The following GPR39 variants were observed in gnomAD, a reference collection of about 807,000 sequenced individuals.
The protein encoded by GPR39 is zinc sensing receptor.
GPR39 carries 23 observed loss-of-function variants against 18.4 expected under a neutral mutation model. The observed-to-expected ratio is 1.25, with a 90% CI of 0.90 to 1.77. GPR39 has a LOEUF of 1.77. Among genes scored for constraint, GPR39 ranks in the 40% most tolerant of loss-of-function variants. The pLI is 0.00. For missense variants in GPR39, 647 were observed against 602.4 expected (o/e 1.07, Z -0.78); for synonymous variants, 280 against 257.9 (o/e 1.09, Z -0.82).
chr2:132,626,113 A>T lies in GPR39; in HGVS notation c.857-18988A>T, dbSNP rs181071138. Among the ~76,000 whole-genome samples the T allele has an allele frequency of 2.1e-3, 309 of 150,604 alleles. 1 individual carries two copies. The highest frequency in any genetic ancestry group is 3.0e-3 in the Non-Finnish European group (205 of 67,506). ...AGACTCCATCTCAAAAAAAAAAAAC[A>T]AAAAACTAAAAAAGTAGCCTAAAAT... On this transcript the variant is annotated intron_variant, in intron 1 of 1. Coordinates refer to ENST00000329321, the MANE Select transcript of GPR39 (RefSeq NM_001508.3).
intron 1 of GPR39, among the ~76,000 whole-genome samples, chr2:132,623,324 GC>G: frequency 6.6e-6 from 1 of 152,240 alleles, no homozygotes; most frequent in African/African-American, 2.4e-5. Context: ...AAAACCCAGT[GC>G]CCTGGACTCC....
chr2:132,443,316 A>G (rs1298022289), intron 1 of GPR39, among the ~76,000 whole-genome samples: 1 of 151,734 alleles, frequency 6.6e-6, no homozygotes, highest in Non-Finnish European at 1.5e-5. Context: ...TAAAGTACAG[A>G]TGGTACCTGA....
At chr2:132,620,336 G>A (rs1217385309) in intron 1 of GPR39, among the ~76,000 whole-genome samples, 1 of 152,186 alleles carries the variant, frequency 6.6e-6, no homozygotes, top group Non-Finnish European at 1.5e-5. Context: ...GGTTCCTCAT[G>A]CTGTGTGCCA....
At chr2:132,643,101 T>C (rs1349222425) in intron 1 of GPR39, among the ~76,000 whole-genome samples, 3 of 152,298 alleles carry the variant, frequency 2.0e-5, no homozygotes, top group Admixed American at 6.5e-5. Context: ...TTTTTTAAAA[T>C]CAGAAATTTT....
At chr2:132,535,490 C>T (rs926232434) in intron 1 of GPR39, among the ~76,000 whole-genome samples, 11 of 152,210 alleles carry the variant, frequency 7.2e-5, no homozygotes, top group Middle Eastern at 3.4e-3. Flanking sequence ...ATTTTCACAT[C>T]GATGTTCATC....
chr2:132,565,160 G>A (rs1390606154), intron 1 of GPR39, among the ~76,000 whole-genome samples: 2 of 151,998 alleles, frequency 1.3e-5, no homozygotes, highest in African/African-American at 2.4e-5. Flanking sequence ...CAGAGATTCT[G>A]ATTTAGTGGC....
intron 1 of GPR39, among the ~76,000 whole-genome samples, chr2:132,543,450 T>C (rs1679893860): frequency 1.3e-5 from 2 of 152,144 alleles, no homozygotes; most frequent in East Asian, 1.9e-4. Context: ...AGGTCAGAGG[T>C]TCTCCAGGGT....
chr2:132,591,526 G>GC (rs1680843976), intron 1 of GPR39, among the ~76,000 whole-genome samples: 2 of 152,092 alleles, frequency 1.3e-5, no homozygotes, highest in South Asian at 4.1e-4. Context: ...CTTGCAGAGG[G>GC]CCTATTGTGG....
chr2:132,442,355 G>C (rs1237146756), intron 1 of GPR39, among the ~76,000 whole-genome samples: 1 of 152,156 alleles, frequency 6.6e-6, no homozygotes, highest in African/African-American at 2.4e-5. Context: ...GCCTGCCTTA[G>C]AGACATGGGA....
At position 132,645,499 on chromosome 2, in the gene GPR39, CCCCAGTCTAAGT is replaced by C. The variant is rs756839549; in HGVS notation, c.1263_1274del (p.Lys422_Ser425del). 16 of 1,613,586 alleles carry C rather than the reference CCCCAGTCTAAGT, an allele frequency of 9.9e-6. No homozygotes were observed. The highest frequency in any genetic ancestry group is 2.2e-5 in the East Asian group (1 of 44,882). On this transcript the variant is annotated inframe_deletion, in exon 2 of 2. Transcript: ENST00000329321. ...AAGCACTTTTCAGAGCGAGGCCGAG[CCCCAGTCTAAGT>C]CCCAGTCATTGAGTCTCGAGTCACT...
chr2:132,452,481 A>AT (rs1278500173), intron 1 of GPR39, among the ~76,000 whole-genome samples: 1 of 150,456 alleles, frequency 6.6e-6, no homozygotes, highest in African/African-American at 2.5e-5. Context: ...TTCTTTCTGT[A>AT]TTTTTTTAAA....
At chr2:132,542,698 T>C (rs1341096933) in intron 1 of GPR39, among the ~76,000 whole-genome samples, 1 of 106,308 alleles carries the variant, frequency 9.4e-6, no homozygotes, top group Non-Finnish European at 1.9e-5. Flanking sequence ...TTGTTCTCTA[T>C]AATAACATCA....
chr2:132,470,095 C>A (rs969119326), intron 1 of GPR39, among the ~76,000 whole-genome samples: 1 of 152,202 alleles, frequency 6.6e-6, no homozygotes, highest in South Asian at 2.1e-4. Context: ...CCCAACTGGG[C>A]AAGAGCTGTG....
intron 1 of GPR39, among the ~76,000 whole-genome samples, chr2:132,429,883 T>C (rs1256440264): frequency 6.6e-6 from 1 of 152,224 alleles, no homozygotes; most frequent in Admixed American, 6.5e-5. Flanking sequence ...AATAGAATGA[T>C]TGGACTGGAG....
chr2:132,417,423 G>A lies in GPR39; in HGVS notation c.381G>A (p.Leu127=), dbSNP rs753387875. 6.2e-7 allele frequency: 1 copy of A among 1,614,170 alleles called. No individual in the cohort carries two copies. Among genetic ancestry groups the A allele is most frequent in the Non-Finnish European group, 8.5e-7 (1 of 1,180,030 alleles). ...ACSYATLLHV[L]TLSFERYIAI... The stretch of plus-strand genomic sequence containing the variant: ...GCTACGCTACGCTGCTGCACGTGCT[G>A]ACACTCAGCTTTGAGCGCTACATCG... The change falls in exon 1 of 2, where the codon CTG becomes CTA. Residue 127 remains leucine, a synonymous_variant. Transcript: ENST00000329321.
chr2:132,550,056 A>G (rs1573661136), intron 1 of GPR39, among the ~76,000 whole-genome samples: 1 of 152,158 alleles, frequency 6.6e-6, no homozygotes, highest in Non-Finnish European at 1.5e-5. Flanking sequence ...ATTCAGCTCT[A>G]TTTTCTGGCC....
rs187036835 is a variant in GPR39, at chr2:132,489,464, G to C, written c.856+71566G>C. On this transcript the variant is annotated intron_variant, in intron 1 of 1. Transcript: ENST00000329321. ...GGCTGCTCAGGGTTCCCTGCGGGCCGCTCCCTCCTGGACTTTCTTGACTGT... is the reference window on the plus strand; with the variant it reads ...GGCTGCTCAGGGTTCCCTGCGGGCCCCTCCCTCCTGGACTTTCTTGACTGT... Among the ~76,000 whole-genome samples the C allele has an allele frequency of 1.2e-4, 19 of 152,128 alleles. 1 individual carries two copies. The highest frequency in any genetic ancestry group is 4.1e-4 in the African/African-American group (17 of 41,432).
At chr2:132,623,500 G>T (rs189767075) in intron 1 of GPR39, among the ~76,000 whole-genome samples, 1 of 152,330 alleles carries the variant, frequency 6.6e-6, no homozygotes, top group African/African-American at 2.4e-5. Flanking sequence ...TAAAGTTAAA[G>T]CTTATAAAAG....
intron 1 of GPR39, among the ~76,000 whole-genome samples, chr2:132,463,506 C>T (rs888060300): frequency 6.6e-6 from 1 of 151,580 alleles, no homozygotes; most frequent in African/African-American, 2.4e-5. Context: ...AAGAAAGGTC[C>T]TATCTTGTTA....
Sources: gnomAD v4.1 joint callset for allele counts (sites outside exome capture counted in the v4.1 genomes callset) on GRCh38, gnomAD v4.1.1 for gene constraint, MANE v1.5 for transcripts, NCBI Gene and HGNC (gene_info 2026-07-23, HGNC 2026-07-21) for gene names.